Variants in CACNA2D1 observed in about 807,000 individuals in gnomAD.
The protein encoded by CACNA2D1 is calcium voltage-gated channel auxiliary subunit alpha2delta 1, also known as voltage-dependent calcium channel subunit alpha-2/delta-1.
Under a neutral mutation model 171.5 loss-of-function variants are expected in CACNA2D1, and 53 were observed. The ratio of observed to expected loss-of-function variants is 0.31; its 90% confidence interval spans 0.25 to 0.39. The LOEUF (loss-of-function observed/expected upper bound fraction) is 0.39, where lower values mean the gene tolerates loss of function less well. Among genes scored for constraint, CACNA2D1 ranks in the 10% least tolerant of loss-of-function variants. The probability of loss-of-function intolerance (pLI) is 1.00; values close to 1 mark genes in which losing one functional copy is unlikely to be tolerated. For synonymous variants in CACNA2D1, 442 were observed against 443.1 expected (o/e 1.00, Z 0.03); for missense variants, 903 against 1,299.8 (o/e 0.69, Z 4.69).
intron 4 of CACNA2D1, among the ~76,000 whole-genome samples, chr7:82,140,430 C>G (rs1792231547): frequency 6.6e-6 from 1 of 152,138 alleles, no homozygotes. Flanking sequence ...ATATACATTT[C>G]ATTATTCCCT....
At chr7:82,403,821 C>T (rs1159817987) in intron 1 of CACNA2D1, among the ~76,000 whole-genome samples, 1 of 152,162 alleles carries the variant, frequency 6.6e-6, no homozygotes, top group Non-Finnish European at 1.5e-5. Flanking sequence ...AATTGTTCCA[C>T]TACGTAGCAG....
intron 1 of CACNA2D1, chr7:82,410,418 C>A (rs17156262): frequency 0.012 from 6,491 of 541,488 alleles, 142 homozygotes; most frequent in East Asian, 0.11. Context: ...TTCTGTACTG[C>A]TATCTATCCA....
Position 82,348,095 on chromosome 7 carries a change from G to T in CACNA2D1, c.177+1473C>A, listed in dbSNP as rs764592661. ...AGCAGCTTATTTTTAATCTCCATCTGTCGATAAAGACAGTCATATAACTTC... is the reference window on the plus strand; with the variant it reads ...AGCAGCTTATTTTTAATCTCCATCTTTCGATAAAGACAGTCATATAACTTC... On this transcript the variant is annotated intron_variant, in intron 2 of 38. Coordinates refer to ENST00000356860, the MANE Select transcript of CACNA2D1 (RefSeq NM_000722.4). Among the ~76,000 whole-genome samples, 58 of 152,104 alleles carry T rather than the reference G, an allele frequency of 3.8e-4. 1 individual carries two copies. The highest frequency in any genetic ancestry group is 5.7e-4 in the Non-Finnish European group (39 of 68,008).
At chr7:82,017,104 T>C (rs2130980706) in intron 12 of CACNA2D1, among the ~76,000 whole-genome samples, 1 of 152,236 alleles carries the variant, frequency 6.6e-6, no homozygotes, top group African/African-American at 2.4e-5. Context: ...TATGTATGTA[T>C]ATATACACAC....
chr7:82,121,111 T>A (rs1195259705), intron 5 of CACNA2D1, among the ~76,000 whole-genome samples: 1 of 152,058 alleles, frequency 6.6e-6, no homozygotes, highest in Non-Finnish European at 1.5e-5. Flanking sequence ...CAGCCTGGAG[T>A]ACAGTGGCAC....
rs1396033346 is a variant in CACNA2D1 at position 82,145,752 on chromosome 7, C to T, written c.355-9076G>A. ...CACACATATATACCTATATGTACAC[C>T]CTCTAAATAGTTTACATAATAAAAT... On this transcript the variant is annotated intron_variant, in intron 4 of 38. Coordinates refer to ENST00000356860, the MANE Select transcript of CACNA2D1 (RefSeq NM_000722.4). Among the ~76,000 whole-genome samples the T allele has an allele frequency of 4.7e-5, 7 of 148,826 alleles. No individual in the cohort carries two copies. The Admixed American group carries it at 4.7e-4, about 10-fold the overall frequency.
At chr7:82,035,336 C>T (rs1329662072) in intron 11 of CACNA2D1, among the ~76,000 whole-genome samples, 3 of 125,266 alleles carry the variant, frequency 2.4e-5, no homozygotes, top group Non-Finnish European at 5.6e-5. Flanking sequence ...AAGGTAAATG[C>T]TGCGAGGACA....
chr7:81,950,242 AG>A lies in CACNA2D1; in HGVS notation c.*149del. On this transcript the variant is annotated 3_prime_UTR_variant, in exon 39 of 39. Coordinates refer to ENST00000356860, the MANE Select transcript of CACNA2D1 (RefSeq NM_000722.4). ...CTGACATGCAGCCAGTGGGTGCCTTAGGAGTCTGCGCCTTAGTGTTATGCCA... is the reference window on the plus strand; with the variant it reads ...CTGACATGCAGCCAGTGGGTGCCTTAGAGTCTGCGCCTTAGTGTTATGCCA... The A allele has an allele frequency of 7.2e-7, 1 of 1,392,674 alleles. No homozygotes were observed. The highest frequency in any genetic ancestry group is 1.0e-6 in the Non-Finnish European group (1 of 1,004,806). 86.3% of individuals were successfully genotyped at this position (1,392,674 alleles called of 1,614,324 possible).
intron 3 of CACNA2D1, among the ~76,000 whole-genome samples, chr7:82,323,525 A>C (rs759876771): frequency 1.3e-5 from 2 of 152,142 alleles, no homozygotes; most frequent in African/African-American, 2.4e-5. Context: ...AGGCTGACTG[A>C]CTCAGTGAGG....
chr7:82,042,697 C>T (rs1302742878), intron 10 of CACNA2D1, among the ~76,000 whole-genome samples: 2 of 152,100 alleles, frequency 1.3e-5, no homozygotes, highest in Non-Finnish European at 2.9e-5. Context: ...CTTTCCTTTG[C>T]CCTTCCACAT....
At chr7:82,226,515 G>A (rs1802382305) in intron 3 of CACNA2D1, among the ~76,000 whole-genome samples, 1 of 152,098 alleles carries the variant, frequency 6.6e-6, no homozygotes, top group Non-Finnish European at 1.5e-5. Flanking sequence ...GAGATATTTT[G>A]CCATTCTGCT....
chr7:82,337,411 TAA>T (rs1818126908), intron 2 of CACNA2D1, among the ~76,000 whole-genome samples: 2 of 152,172 alleles, frequency 1.3e-5, no homozygotes, highest in Non-Finnish European at 2.9e-5. Context: ...ATATGTTTAG[TAA>T]ATAATTTTCA....
chr7:82,339,801 TC>T (rs1475405563), intron 2 of CACNA2D1, among the ~76,000 whole-genome samples: 1 of 152,136 alleles, frequency 6.6e-6, no homozygotes, highest in East Asian at 1.9e-4. Context: ...TTCCCAAACA[TC>T]CATATCCTAA....
At chr7:82,216,847 A>G (rs1157177930) in intron 3 of CACNA2D1, among the ~76,000 whole-genome samples, 1 of 150,910 alleles carries the variant, frequency 6.6e-6, no homozygotes, top group East Asian at 1.9e-4. Context: ...AAAAATAGCT[A>G]TACATTCTAA....
At chr7:82,230,802 C>T (rs75454816) in intron 3 of CACNA2D1, among the ~76,000 whole-genome samples, 1,798 of 151,910 alleles carry the variant, frequency 0.012, 31 homozygotes, top group African/African-American at 0.041. Context: ...TCTGAGAATA[C>T]CAGTATAAGA....
At chr7:82,332,438 C>T (rs1303900372) in intron 3 of CACNA2D1, among the ~76,000 whole-genome samples, 1 of 150,958 alleles carries the variant, frequency 6.6e-6, no homozygotes, top group Non-Finnish European at 1.5e-5. Context: ...TGCTACACTA[C>T]AACAATATCT....
chr7:82,151,636 G>C (rs1017892074), intron 4 of CACNA2D1, among the ~76,000 whole-genome samples: 3 of 152,116 alleles, frequency 2.0e-5, no homozygotes, highest in Admixed American at 1.3e-4. Flanking sequence ...TCAGTCATAA[G>C]AGGCTGGTGT....
chr7:82,280,043 CA>C lies in CACNA2D1; in HGVS notation c.294+55091del, dbSNP rs368018386. On this transcript the variant is annotated intron_variant, in intron 3 of 38. Coordinates refer to ENST00000356860, the MANE Select transcript of CACNA2D1 (RefSeq NM_000722.4). ...AAGAAAAAAAGGCACAGTGATTACA[CA>C]AACAAAACACTTTTTAAAAACCTGG... is the stretch of plus-strand genomic sequence containing the variant. Among the ~76,000 whole-genome samples, 424 of 152,170 alleles carry C rather than the reference CA, an allele frequency of 2.8e-3. 1 individual carries two copies. Among genetic ancestry groups the C allele is most frequent in the African/African-American group, 9.8e-3 (408 of 41,542 alleles).
intron 1 of CACNA2D1, among the ~76,000 whole-genome samples, chr7:82,427,716 C>T (rs1357689678): frequency 1.3e-5 from 2 of 152,192 alleles, no homozygotes; most frequent in Admixed American, 1.3e-4. Flanking sequence ...TTTAACCAAC[C>T]ATGCAAGTTC....
Sources: allele counts gnomAD v4.1 joint callset (sites outside exome capture counted in the v4.1 genomes callset), GRCh38; gene constraint gnomAD v4.1.1; transcripts MANE v1.5; gene names NCBI Gene and HGNC (gene_info 2026-07-23, HGNC 2026-07-21).